ZNG1A: variants seen among roughly 807,000 people sequenced by gnomAD.
ZNG1A encodes Zn regulated GTPase metalloprotein activator 1A.
At chr9:121,508 G>T in the ZNG1A span, 1 of 1,611,392 alleles carries the variant, frequency 6.2e-7, no homozygotes. Context: ...GTTGTCCACT[G>T]CTTTTCTGTT....
chr9:129,678 G>C, the ZNG1A span, among the ~76,000 whole-genome samples: 2 of 150,272 alleles, frequency 1.3e-5, no homozygotes, highest in African/African-American at 2.5e-5. Context: ...CGAAAATTGG[G>C]GGGGGCTGTT....
the ZNG1A span, among the ~76,000 whole-genome samples, chr9:124,759 G>A: frequency 2.3e-5 from 3 of 131,526 alleles, no homozygotes; most frequent in African/African-American, 8.7e-5. Flanking sequence ...TTATGCCTTT[G>A]CATCCTCATA....
the ZNG1A span, among the ~76,000 whole-genome samples, chr9:176,687 G>A: frequency 5.9e-5 from 9 of 151,990 alleles, no homozygotes; most frequent in Non-Finnish European, 8.8e-5. Context: ...GAGAGACTTA[G>A]GGCAATGAGG....
chr9:169,189 T>C, the ZNG1A span, among the ~76,000 whole-genome samples: 1 of 152,034 alleles, frequency 6.6e-6, no homozygotes, highest in Non-Finnish European at 1.5e-5. Flanking sequence ...TCAACATGAA[T>C]AGGAGTTTGA....
the ZNG1A span, among the ~76,000 whole-genome samples, chr9:133,862 C>T: frequency 6.6e-6 from 1 of 151,730 alleles, no homozygotes; most frequent in South Asian, 2.1e-4. Flanking sequence ...CAGGCAAAAG[C>T]ATTTCAAGCA....
At chr9:168,531 C>T in the ZNG1A span, among the ~76,000 whole-genome samples, 14 of 150,798 alleles carry the variant, frequency 9.3e-5, no homozygotes, top group Admixed American at 2.6e-4. Flanking sequence ...AGATTACAGG[C>T]ATGAGCCACC....
At chr9:151,745 C>G in the ZNG1A span, 1 of 257,384 alleles carries the variant, frequency 3.9e-6, no homozygotes, top group South Asian at 5.0e-5. Context: ...GATTTCTGTA[C>G]TGAGTTACCC....
At chr9:141,105 G>C in the ZNG1A span, among the ~76,000 whole-genome samples, 1 of 139,560 alleles carries the variant, frequency 7.2e-6, no homozygotes, top group African/African-American at 2.8e-5. Context: ...GAACCAAGTT[G>C]GAAAACACTC....
chr9:124,322 CTT>C, the ZNG1A span, among the ~76,000 whole-genome samples: 2 of 151,722 alleles, frequency 1.3e-5, no homozygotes, highest in Non-Finnish European at 2.9e-5. Flanking sequence ...TACACCCCAC[CTT>C]GGAAAATAGA....
chr9:135,107 A>G, the ZNG1A span: 60 of 1,149,856 alleles, frequency 5.2e-5, 1 homozygote, highest in Middle Eastern at 3.1e-4. Flanking sequence ...TGACACAAGG[A>G]TAATGAAGTG....
the ZNG1A span, among the ~76,000 whole-genome samples, chr9:164,841 T>A: frequency 6.6e-6 from 1 of 152,126 alleles, no homozygotes; most frequent in Admixed American, 6.5e-5. Flanking sequence ...CGTCTAAAGC[T>A]GTCCACCTAC....
chr9:139,379 G>A, the ZNG1A span, among the ~76,000 whole-genome samples: 1 of 149,262 alleles, frequency 6.7e-6, no homozygotes, highest in South Asian at 2.1e-4. Context: ...GAAATGGGAA[G>A]CTGCTATTCA....
At chr9:133,953 A>G in the ZNG1A span, among the ~76,000 whole-genome samples, 6 of 131,926 alleles carry the variant, frequency 4.5e-5, no homozygotes, top group Non-Finnish European at 8.0e-5. Context: ...CCAAACGCTC[A>G]TGGAAAGTGA....
chr9:178,431 C>T, the ZNG1A span, among the ~76,000 whole-genome samples: 42,192 of 114,310 alleles, frequency 0.37, 10,007 homozygotes, highest in Non-Finnish European at 0.52. Flanking sequence ...TTAATGGCAA[C>T]AGGTAGGTGG....
At chr9:162,834 T>C in the ZNG1A span, among the ~76,000 whole-genome samples, 1 of 150,802 alleles carries the variant, frequency 6.6e-6, no homozygotes, top group Non-Finnish European at 1.5e-5. Flanking sequence ...AGACAGGTTA[T>C]TTCTAGTTTA....
At chr9:174,407 A>T in the ZNG1A span, among the ~76,000 whole-genome samples, 1 of 152,066 alleles carries the variant, frequency 6.6e-6, no homozygotes, top group Non-Finnish European at 1.5e-5. Flanking sequence ...GAGCTTCTAA[A>T]GAGGTTGCTA....
chr9:176,605 C>G, the ZNG1A span, among the ~76,000 whole-genome samples: 20,622 of 151,698 alleles, frequency 0.14, 3,146 homozygotes, highest in African/African-American at 0.39. Context: ...AGCTTTTTAA[C>G]AGATGAAGGC....
the ZNG1A span, chr9:149,470 AGGTCAATGACTGTCTTCTC>A: frequency 4.5e-4 from 68 of 152,248 alleles, no homozygotes; most frequent in African/African-American, 1.6e-3. Context: ...TTTAAGACTC[AGGTCAATGACTGTCTTCTC>A]GGTCAATATT....
chr9:141,792 A>C, the ZNG1A span, among the ~76,000 whole-genome samples: 1 of 152,168 alleles, frequency 6.6e-6, no homozygotes. Context: ...GTATTCAGGA[A>C]ACCCATCTCA....
Sources: allele counts gnomAD v4.1 joint callset (sites outside exome capture counted in the v4.1 genomes callset), GRCh38; gene constraint gnomAD v4.1.1; transcripts MANE v1.5; gene names NCBI Gene and HGNC (gene_info 2026-07-23, HGNC 2026-07-21).